The following ME3 variants were observed in gnomAD, a reference collection of about 807,000 sequenced individuals.
The protein encoded by ME3 is NADP-dependent malic enzyme, mitochondrial.
A neutral mutation model predicts 68.9 loss-of-function variants in ME3; 48 were observed. The observed-to-expected ratio is 0.70, with a 90% CI of 0.55 to 0.89. ME3 has a LOEUF of 0.89. ME3 is among the 40% of genes least tolerant of loss of function. ME3 has a pLI of 0.00. For missense variants in ME3, 675 were observed against 797.4 expected, an observed-to-expected ratio of 0.85 and a Z score of 1.85; for synonymous variants, 320 against 318.8, an observed-to-expected ratio of 1.00 and a Z score of -0.04.
chr11:86,585,354 T>C (rs1212139269), intron 2 of ME3, among the ~76,000 whole-genome samples: 1 of 152,110 alleles, frequency 6.6e-6, no homozygotes. Context: ...TAGCTTGTGC[T>C]AGGATGGTGG....
In ME3 at chr11:86,448,528, T is replaced by A. The variant is rs117392476; in HGVS notation, c.1132-273A>T. On this transcript the variant is annotated intron_variant, in intron 10 of 14. Transcript: ENST00000543262. The stretch of plus-strand genomic sequence containing the variant: ...AAAGAATTTATTTGAGCTGTTAGGA[T>A]TATGGCTTCCTGGGCCAGGACAGAA... Among the ~76,000 whole-genome samples the A allele has an allele frequency of 9.4e-4, 143 of 152,256 alleles. 1 individual carries two copies. The highest frequency in any genetic ancestry group is 6.8e-3 in the Middle Eastern group (2 of 294).
Position 86,450,353 on chromosome 11 carries a change from A to AT in ME3, c.964dup (p.Ile322AsnfsTer51). 1 of 1,614,170 alleles carries AT rather than the reference A, an allele frequency of 6.2e-7. No individual in the cohort carries two copies. Among genetic ancestry groups the AT allele is most frequent in the Non-Finnish European group, 8.5e-7 (1 of 1,180,020 alleles). ...GTGATTGGAAAGCTTGTTCTTGGTG[A>AT]TTCGCAGAGCAGCCAAGATCCCTGC... On this transcript the variant is annotated frameshift_variant, in exon 9 of 15. Transcript: ENST00000543262. LOFTEE classifies it high-confidence loss of function.
intron 2 of ME3, among the ~76,000 whole-genome samples, chr11:86,638,336 A>G (rs1427723041): frequency 2.0e-5 from 3 of 152,236 alleles, no homozygotes; most frequent in Admixed American, 2.0e-4. Context: ...GCACAGCTGC[A>G]TTCATTTCTG....
chr11:86,462,190 T>G (rs1053690638), intron 8 of ME3, among the ~76,000 whole-genome samples: 28 of 152,356 alleles, frequency 1.8e-4, no homozygotes, highest in Non-Finnish European at 2.6e-4. Flanking sequence ...TCCACTTATA[T>G]GCAGATTTTT....
At chr11:86,564,012 A>G (rs996209199) in intron 2 of ME3, among the ~76,000 whole-genome samples, 3 of 152,158 alleles carry the variant, frequency 2.0e-5, no homozygotes, top group Non-Finnish European at 4.4e-5. Context: ...TAGGAATAGC[A>G]TTGAATTTGT....
intron 4 of ME3, among the ~76,000 whole-genome samples, chr11:86,519,773 C>T (rs1369224650): frequency 1.3e-5 from 2 of 152,190 alleles, no homozygotes; most frequent in Admixed American, 1.3e-4. Context: ...CTAAGAAGCC[C>T]AGGAAGCAGA....
chr11:86,567,243 A>AAAAGGAAGG (rs1437097148), intron 2 of ME3, among the ~76,000 whole-genome samples: 2,616 of 144,536 alleles, frequency 0.018, 40 homozygotes, highest in Middle Eastern at 0.031. Context: ...GAAAAGAAAG[A>AAAAGGAAGG]AAGGAAGGAA....
At chr11:86,491,483 G>A (rs1280036213) in intron 6 of ME3, among the ~76,000 whole-genome samples, 1 of 152,236 alleles carries the variant, frequency 6.6e-6, no homozygotes, top group East Asian at 1.9e-4. Flanking sequence ...GAAAGGCTGT[G>A]TATACATCTC....
intron 2 of ME3, among the ~76,000 whole-genome samples, chr11:86,583,976 A>G (rs1958587212): frequency 6.6e-6 from 1 of 152,216 alleles, no homozygotes; most frequent in Admixed American, 6.5e-5. Context: ...GGACTGTATC[A>G]AACTAAAATG....
chr11:86,504,380 C>CTTT lies in ME3; in HGVS notation c.543+4409_543+4411dup, dbSNP rs35899335. 1.1e-3 allele frequency among the ~76,000 whole-genome samples: 86 copies of CTTT among 77,398 alleles called. 9 individuals are homozygous for CTTT. The highest frequency in any genetic ancestry group is 2.4e-3 in the African/African-American group (45 of 19,096). 50.8% of individuals were successfully genotyped at this position (77,398 alleles called of 152,430 possible). On this transcript the variant is annotated intron_variant, in intron 5 of 14. Transcript: ENST00000543262. ...CATCTGAGACACAACCCTATACATTCTTTTTTTTTTTTTTTTTTTTTTTTT... is the reference window on the plus strand; with the variant it reads ...CATCTGAGACACAACCCTATACATTCTTTTTTTTTTTTTTTTTTTTTTTTTTTT...
chr11:86,566,749 AATAAGT>A (rs1957500806), intron 2 of ME3, among the ~76,000 whole-genome samples: 1 of 152,158 alleles, frequency 6.6e-6, no homozygotes, highest in Non-Finnish European at 1.5e-5. Flanking sequence ...TTTTATAATA[AATAAGT>A]ATATTTGGTG....
At chr11:86,631,085 T>C (rs1486945163) in intron 2 of ME3, among the ~76,000 whole-genome samples, 1 of 152,194 alleles carries the variant, frequency 6.6e-6, no homozygotes, top group African/African-American at 2.4e-5. Context: ...AACAGGAGGT[T>C]GGAGGAACTG....
intron 2 of ME3, among the ~76,000 whole-genome samples, chr11:86,563,603 G>C (rs186066560): frequency 1.3e-5 from 2 of 152,118 alleles, no homozygotes; most frequent in Admixed American, 1.3e-4. Flanking sequence ...TTAAATCTTA[G>C]ATGCACTGAG....
At chr11:86,543,381 A>C (rs619472) in intron 4 of ME3, among the ~76,000 whole-genome samples, 54,290 of 152,058 alleles carry the variant, frequency 0.36, 9,920 homozygotes, top group African/African-American at 0.43. Context: ...AGAGTCAAGA[A>C]CCATTGGTGT....
chr11:86,556,143 A>T (rs918417910), intron 4 of ME3, among the ~76,000 whole-genome samples: 10 of 152,228 alleles, frequency 6.6e-5, no homozygotes, highest in Admixed American at 1.3e-4. Flanking sequence ...TTTTTCAAAC[A>T]TCAAAAGAAT....
chr11:86,590,069 G>T (rs1019585258), intron 2 of ME3, among the ~76,000 whole-genome samples: 3 of 152,176 alleles, frequency 2.0e-5, no homozygotes, highest in Non-Finnish European at 4.4e-5. Context: ...CCAGGGAAGA[G>T]ACTTGGCCCA....
At chr11:86,530,041 A>G (rs963681265) in intron 4 of ME3, among the ~76,000 whole-genome samples, 19 of 152,326 alleles carry the variant, frequency 1.2e-4, no homozygotes, top group Admixed American at 7.2e-4. Context: ...AGGGTATTCA[A>G]TTAGGAAAAG....
intron 2 of ME3, among the ~76,000 whole-genome samples, chr11:86,653,746 A>G (rs991398295): frequency 1.3e-5 from 2 of 152,272 alleles, no homozygotes; most frequent in Non-Finnish European, 2.9e-5. Context: ...AACTAAGATC[A>G]GAGCTGAACT....
chr11:86,647,199 C>A (rs974544139), intron 2 of ME3, among the ~76,000 whole-genome samples: 7 of 152,174 alleles, frequency 4.6e-5, no homozygotes, highest in African/African-American at 1.7e-4. Context: ...TCACACATAA[C>A]AATATTAACC....
Sources: gnomAD v4.1 joint callset for allele counts (sites outside exome capture counted in the v4.1 genomes callset) on GRCh38, gnomAD v4.1.1 for gene constraint, MANE v1.5 for transcripts, NCBI Gene and HGNC (gene_info 2026-07-23, HGNC 2026-07-21) for gene names.